The following ZNF516 variants were observed in gnomAD, a reference collection of about 807,000 sequenced individuals.
The protein encoded by ZNF516 is zinc finger protein 516.
Under a neutral mutation model 79.7 loss-of-function variants are expected in ZNF516, and 19 were observed. The observed-to-expected ratio is 0.24, with a 90% CI of 0.17 to 0.35. The LOEUF (loss-of-function observed/expected upper bound fraction) is 0.35, where lower values mean the gene tolerates loss of function less well. Among genes scored for constraint, ZNF516 ranks in the 10% least tolerant of loss-of-function variants. ZNF516 has a pLI of 1.00. For missense variants in ZNF516, 1,678 were observed against 1,679.5 expected (o/e 1.00, Z 0.02); for synonymous variants, 877 against 739.5 (o/e 1.19, Z -3.02).
At chr18:76,435,969 T>G (rs1439761487) in intron 3 of ZNF516, among the ~76,000 whole-genome samples, 1 of 152,256 alleles carries the variant, frequency 6.6e-6, no homozygotes, top group Non-Finnish European at 1.5e-5. Flanking sequence ...TGGCGGACAG[T>G]AGCTCTCACT....
At chr18:76,381,585 C>T (rs555981321) in intron 3 of ZNF516, among the ~76,000 whole-genome samples, 1 of 152,276 alleles carries the variant, frequency 6.6e-6, no homozygotes, top group Non-Finnish European at 1.5e-5. Flanking sequence ...GTAACAAATC[C>T]ATTCCAAGGG....
chr18:76,375,127 G>A (rs1465080822), intron 4 of ZNF516, among the ~76,000 whole-genome samples: 1 of 152,224 alleles, frequency 6.6e-6, no homozygotes, highest in African/African-American at 2.4e-5. Flanking sequence ...CTCTGTAACA[G>A]GAAACATGAG....
In ZNF516 at chr18:76,451,019, A is replaced by C. The variant is rs971940459; in HGVS notation, c.-157-7808T>G. On this transcript the variant is annotated intron_variant, in intron 2 of 6. Coordinates refer to ENST00000443185, the MANE Select transcript of ZNF516 (RefSeq NM_014643.4). This position sits in a 1 kb window ranked among gnomAD's most constrained non-coding sequence, Gnocchi z 6.0. ...CATTTCCTCAACAATCGAACGCTTAAAGTTGCGGAAACCAAGCAAAGCTGA... is the reference window on the plus strand; with the variant it reads ...CATTTCCTCAACAATCGAACGCTTACAGTTGCGGAAACCAAGCAAAGCTGA... 9.2e-5 allele frequency among the ~76,000 whole-genome samples: 14 copies of C among 152,210 alleles called. No homozygotes were observed. Among genetic ancestry groups the C allele is most frequent in the Admixed American group, 3.9e-4 (6 of 15,290 alleles).
intron 6 of ZNF516, among the ~76,000 whole-genome samples, chr18:76,369,947 G>T (rs570604211): frequency 2.0e-5 from 3 of 152,144 alleles, no homozygotes; most frequent in African/African-American, 7.2e-5. Context: ...TCAGAACCGT[G>T]TGCTAGTGCC....
chr18:76,363,288 T>C (rs2074565224), intron 6 of ZNF516, among the ~76,000 whole-genome samples: 1 of 152,220 alleles, frequency 6.6e-6, no homozygotes, highest in South Asian at 2.1e-4. Context: ...AAAATCTTGA[T>C]GAAGTGAAAC....
intron 6 of ZNF516, 145 bp from the exon 7 acceptor site, chr18:76,362,702 C>A (rs2074556847): frequency 1.4e-6 from 1 of 695,508 alleles, no homozygotes; most frequent in Admixed American, 2.5e-5. Flanking sequence ...TAGGCGAAGA[C>A]CCCCTGACCT....
At chr18:76,411,986 G>A (rs1398003444) in intron 3 of ZNF516, among the ~76,000 whole-genome samples, 1 of 152,174 alleles carries the variant, frequency 6.6e-6, no homozygotes, top group African/African-American at 2.4e-5. Context: ...ATTCAAAGGA[G>A]TCAACCCGAG....
chr18:76,405,495 G>T (rs535073148), intron 3 of ZNF516, among the ~76,000 whole-genome samples: 6 of 152,180 alleles, frequency 3.9e-5, no homozygotes, highest in Admixed American at 2.0e-4. Context: ...AGCACAGCCA[G>T]CAGGCAGCAG....
intron 1 of ZNF516, among the ~76,000 whole-genome samples, chr18:76,469,855 C>T (rs1913723103): frequency 6.6e-6 from 1 of 152,094 alleles, no homozygotes; most frequent in Non-Finnish European, 1.5e-5. Context: ...CTTTATGTTA[C>T]ATATATTTTA....
chr18:76,362,695 G>A (rs768812390), intron 6 of ZNF516, 138 bp from the exon 7 acceptor site: 7 of 773,720 alleles, frequency 9.0e-6, no homozygotes, highest in African/African-American at 1.7e-5. Flanking sequence ...AACCAAGTAG[G>A]CGAAGACCCC....
intron 1 of ZNF516, chr18:76,492,336 AAGTC>A (rs1441797562): frequency 1.0e-5 from 10 of 985,314 alleles, no homozygotes; most frequent in South Asian, 9.4e-5. Context: ...GTGCCACAGT[AAGTC>A]AGCTGCAAGC....
chr18:76,379,128 G>C lies in ZNF516; in HGVS notation c.2986C>G (p.Pro996Ala). ...GAGGGGGGCTCGCGGGGAGGTAGAG[G>C]AGGAGCGCCCCCTTCGCCCTTTGCA... ...PPAKGEGGAP[P>A]LPPREPPSKA... The change falls in exon 4 of 7, where the codon CCT becomes GCT. Residue 996 changes from proline (P) to alanine (A), a missense_variant. By Grantham distance (27) the Pro-to-Ala change is conservative. Around this residue, in one of 5 missense-constraint regions of ZNF516, gnomAD observed 1,294 missense variants for 1,248.3 expected, o/e 1.04. Coordinates refer to ENST00000443185, the MANE Select transcript of ZNF516 (RefSeq NM_014643.4). The C allele has an allele frequency of 6.2e-6, 10 of 1,612,630 alleles. No individual in the cohort carries two copies. The highest frequency in any genetic ancestry group is 8.5e-6 in the Non-Finnish European group (10 of 1,179,696).
chr18:76,399,324 T>C (rs1263180958), intron 3 of ZNF516, among the ~76,000 whole-genome samples: 1 of 152,234 alleles, frequency 6.6e-6, no homozygotes, highest in East Asian at 1.9e-4. Context: ...CATCTTACAT[T>C]TCAGTTTGCA....
chr18:76,404,605 G>A (rs1277109111), intron 3 of ZNF516, among the ~76,000 whole-genome samples: 1 of 152,210 alleles, frequency 6.6e-6, no homozygotes, highest in African/African-American at 2.4e-5. Context: ...GTGCATACTA[G>A]TGTATGTTTG....
intron 3 of ZNF516, among the ~76,000 whole-genome samples, chr18:76,415,475 A>G (rs1431009155): frequency 6.6e-6 from 1 of 152,186 alleles, no homozygotes; most frequent in Non-Finnish European, 1.5e-5. Flanking sequence ...ACTGTAAGTA[A>G]GTGGATGTAT....
intron 1 of ZNF516, among the ~76,000 whole-genome samples, chr18:76,472,674 G>C (rs778373298): frequency 2.6e-5 from 4 of 152,176 alleles, no homozygotes; most frequent in Non-Finnish European, 5.9e-5. Context: ...GTCCTCACCA[G>C]AGTCCTTTAA....
intron 3 of ZNF516, among the ~76,000 whole-genome samples, chr18:76,411,278 C>G (rs1341799231): frequency 2.6e-5 from 4 of 152,172 alleles, no homozygotes; most frequent in Non-Finnish European, 5.9e-5. Flanking sequence ...TTCGCAATAC[C>G]CCAGAGACAA....
At chr18:76,450,885 T>C (rs1172369461) in intron 2 of ZNF516, among the ~76,000 whole-genome samples, 1 of 152,120 alleles carries the variant, frequency 6.6e-6, no homozygotes, top group Non-Finnish European at 1.5e-5. Flanking sequence ...AAACAAAAGC[T>C]GAATGGTTGT....
rs1042116707 is a variant in ZNF516, at chr18:76,361,132, A to G, written c.*1366T>C. On this transcript the variant is annotated 3_prime_UTR_variant, in exon 7 of 7. Coordinates refer to ENST00000443185, the MANE Select transcript of ZNF516 (RefSeq NM_014643.4). ...AAACCTAGTAAAGCTTTTGCAAAAA[A>G]TTTCACAGAACATTTTCATTCAAGG... The G allele has an allele frequency of 6.6e-6, 1 of 152,210 alleles. No homozygotes were observed. The highest frequency in any genetic ancestry group is 1.5e-5 in the Non-Finnish European group (1 of 68,034). 9.4% of individuals were successfully genotyped at this position (152,210 alleles called of 1,614,324 possible). A position where few individuals can be genotyped will look rare whatever the true frequency, so the allele number is the denominator to read the frequency against.
Sources: gnomAD v4.1 joint callset for allele counts (sites outside exome capture counted in the v4.1 genomes callset) on GRCh38, gnomAD v4.1.1 for gene constraint, gnomAD v4.1.1 regional missense constraint, Gnocchi (gnomAD v3.1) non-coding constraint, MANE v1.5 for transcripts, NCBI Gene and HGNC (gene_info 2026-07-23, HGNC 2026-07-21) for gene names.